Variants in FRMD3 observed in about 807,000 individuals in gnomAD.
FRMD3 encodes FERM domain-containing protein 3.
Under a neutral mutation model 70.2 loss-of-function variants are expected in FRMD3, and 33 were observed. The observed-to-expected ratio is 0.47, with a 90% CI of 0.36 to 0.63. The LOEUF (loss-of-function observed/expected upper bound fraction) is 0.63, where lower values mean the gene tolerates loss of function less well. FRMD3 is among the 20% of genes least tolerant of loss of function. The pLI, the probability that FRMD3 is intolerant of heterozygous loss-of-function variation, is 0.00. For missense variants in FRMD3, 632 were observed against 711.4 expected, an observed-to-expected ratio of 0.89 and a Z score of 1.27; for synonymous variants, 279 against 255.9, an observed-to-expected ratio of 1.09 and a Z score of -0.86.
chr9:83,372,138 G>A (rs1194917765), intron 3 of FRMD3, among the ~76,000 whole-genome samples: 2 of 152,134 alleles, frequency 1.3e-5, no homozygotes, highest in Non-Finnish European at 2.9e-5. Flanking sequence ...TGGATTTGGG[G>A]GCAGGCAGTA....
chr9:83,342,173 C>T (rs954420941), intron 5 of FRMD3, among the ~76,000 whole-genome samples: 1 of 152,060 alleles, frequency 6.6e-6, no homozygotes, highest in Non-Finnish European at 1.5e-5. Flanking sequence ...TCAACTGGCC[C>T]AGGGGAACAG....
chr9:83,351,609 C>A lies in FRMD3; in HGVS notation c.296-1852G>T, dbSNP rs140750490. On this transcript the variant is annotated intron_variant, in intron 3 of 13. Transcript: ENST00000304195. ...TAATTTATCTTTAAACATTTCCCAG[C>A]TTTCTTTTAAGTTTGTTTAAAGTAC... Among the ~76,000 whole-genome samples, 488 of 152,072 alleles carry A rather than the reference C, an allele frequency of 3.2e-3. 2 individuals carry two copies. Among genetic ancestry groups the A allele is most frequent in the Middle Eastern group, 0.02 (6 of 294 alleles).
intron 13 of FRMD3, among the ~76,000 whole-genome samples, chr9:83,288,257 T>C (rs1834292355): frequency 6.6e-6 from 1 of 152,192 alleles, no homozygotes; most frequent in Non-Finnish European, 1.5e-5. Flanking sequence ...ATCCCATTGC[T>C]TGACATTCAA....
At chr9:83,563,981 G>A in the FRMD3 span, among the ~76,000 whole-genome samples, 5 of 152,148 alleles carry the variant, frequency 3.3e-5, no homozygotes, top group South Asian at 6.2e-4. Flanking sequence ...TGCCAAGTCA[G>A]TGTGCCCACC....
chr9:83,333,475 G>A (rs1382627546), intron 6 of FRMD3, among the ~76,000 whole-genome samples: 1 of 152,196 alleles, frequency 6.6e-6, no homozygotes, highest in Non-Finnish European at 1.5e-5. Context: ...CAGGGTCCAA[G>A]CTACAGCTTT....
At chr9:83,533,757 G>T (rs957156312) in intron 1 of FRMD3, among the ~76,000 whole-genome samples, 1 of 152,194 alleles carries the variant, frequency 6.6e-6, no homozygotes, top group Non-Finnish European at 1.5e-5. Context: ...AGTCTAGAAA[G>T]AAAATTATTC....
At chr9:83,569,210 T>C in the FRMD3 span, among the ~76,000 whole-genome samples, 8 of 152,204 alleles carry the variant, frequency 5.3e-5, no homozygotes, top group African/African-American at 1.9e-4. Context: ...AAGATATCTG[T>C]GCTCAGGTAC....
chr9:83,575,899 C>A, the FRMD3 span, among the ~76,000 whole-genome samples: 112 of 152,182 alleles, frequency 7.4e-4, no homozygotes, highest in South Asian at 1.0e-3. Context: ...TCAACTAATT[C>A]TATTGGGCCA....
intron 3 of FRMD3, among the ~76,000 whole-genome samples, chr9:83,369,141 T>C (rs948186179): frequency 6.6e-6 from 1 of 152,180 alleles, no homozygotes; most frequent in Non-Finnish European, 1.5e-5. Context: ...GCATGAGCCA[T>C]GACACCTGGC....
rs537212572 is a variant in FRMD3 at position 83,495,289 on chromosome 9, G to A, written c.147+42796C>T. On this transcript the variant is annotated intron_variant, in intron 1 of 13. Transcript: ENST00000304195. ...TTCCAGGAGGAGCAAGTGGCCATCT[G>A]TGTCCAAAACTGCCATGGGTCAGTA... is the stretch of plus-strand genomic sequence containing the variant. Among the ~76,000 whole-genome samples the A allele has an allele frequency of 4.6e-5, 7 of 152,244 alleles. 1 individual carries two copies. In the South Asian group the frequency reaches 1.5e-3, roughly 32 times the overall value.
chr9:83,319,213 T>C (rs1034470361), intron 6 of FRMD3, among the ~76,000 whole-genome samples: 2 of 152,176 alleles, frequency 1.3e-5, no homozygotes, highest in Admixed American at 6.5e-5. Context: ...CATTTGCCTA[T>C]TTTTGTTTTG....
chr9:83,532,558 A>C (rs1829810792), intron 1 of FRMD3, among the ~76,000 whole-genome samples: 1 of 152,190 alleles, frequency 6.6e-6, no homozygotes, highest in East Asian at 1.9e-4. Flanking sequence ...TTGCAACCTA[A>C]TTTGACGTAT....
chr9:83,528,516 T>C (rs898919095), intron 1 of FRMD3, among the ~76,000 whole-genome samples: 1 of 152,028 alleles, frequency 6.6e-6, no homozygotes, highest in Non-Finnish European at 1.5e-5. Flanking sequence ...GTTCAGTAAA[T>C]GGACAGTCAC....
Position 83,248,479 on chromosome 9 carries a change from G to A in FRMD3, c.1233C>T (p.Pro411=). Residue 411 remains proline, a synonymous_variant, in exon 14 of 14, where the codon CCC becomes CCT. Transcript: ENST00000304195. ...PLPKEENISA[P]LISSSPVKAA... is the part of the protein sequence containing the mutation. ...CCTTCACTGGGGAGCTGGAGATCAAGGGAGCAGAAATGTTCTCCTCTTTAG... is the reference window on the plus strand; with the variant it reads ...CCTTCACTGGGGAGCTGGAGATCAAAGGAGCAGAAATGTTCTCCTCTTTAG... 6.2e-7 allele frequency: 1 copy of A among 1,612,412 alleles called. No homozygotes were observed. Among genetic ancestry groups the A allele is most frequent in the Non-Finnish European group, 8.5e-7 (1 of 1,179,758 alleles).
intron 13 of FRMD3, among the ~76,000 whole-genome samples, chr9:83,283,573 T>G (rs1834068536): frequency 6.7e-6 from 1 of 148,268 alleles, no homozygotes; most frequent in African/African-American, 2.5e-5. Flanking sequence ...ATAATAATAA[T>G]AATCCAATAG....
chr9:83,550,486 T>C, the FRMD3 span, among the ~76,000 whole-genome samples: 4 of 152,128 alleles, frequency 2.6e-5, no homozygotes, highest in Non-Finnish European at 4.4e-5. Flanking sequence ...GTGAAGAATG[T>C]CATTGGTAGT....
At chr9:83,326,048 C>A (rs546485713) in intron 6 of FRMD3, among the ~76,000 whole-genome samples, 1 of 152,116 alleles carries the variant, frequency 6.6e-6, no homozygotes, top group South Asian at 2.1e-4. Flanking sequence ...GCTAGTTGAC[C>A]GGGTATAAAA....
chr9:83,340,802 C>T (rs989829437), intron 5 of FRMD3, among the ~76,000 whole-genome samples: 2 of 152,178 alleles, frequency 1.3e-5, no homozygotes, highest in African/African-American at 2.4e-5. Context: ...GTCTATGTTG[C>T]CCAGGCTAGT....
intron 1 of FRMD3, among the ~76,000 whole-genome samples, chr9:83,511,723 C>T (rs77650803): frequency 6.6e-6 from 1 of 152,284 alleles, no homozygotes; most frequent in South Asian, 2.1e-4. Context: ...CAGGGAAGCA[C>T]GTCTGCCACA....
Sources: gnomAD v4.1 joint callset for allele counts (sites outside exome capture counted in the v4.1 genomes callset) on GRCh38, gnomAD v4.1.1 for gene constraint, MANE v1.5 for transcripts, NCBI Gene and HGNC (gene_info 2026-07-23, HGNC 2026-07-21) for gene names.